The following APBB1IP variants were observed in gnomAD, a reference collection of about 807,000 sequenced individuals.
The protein encoded by APBB1IP is amyloid beta precursor protein binding family B member 1 interacting protein, also known as amyloid beta A4 precursor protein-binding family B member 1-interacting protein.
In APBB1IP, 27 loss-of-function variants were observed where a neutral mutation model predicts 64.9. The ratio of observed to expected loss-of-function variants is 0.42; its 90% CI spans 0.31 to 0.57. The LOEUF (loss-of-function observed/expected upper bound fraction) is 0.57, where lower values mean the gene tolerates loss of function less well. Among genes scored for constraint, APBB1IP ranks in the 20% least tolerant of loss-of-function variants. The probability of loss-of-function intolerance (pLI) is 0.20; values close to 1 mark genes in which losing one functional copy is unlikely to be tolerated. For missense variants in APBB1IP, 812 were observed against 845.5 expected, an observed-to-expected ratio of 0.96 and a Z score of 0.49; for synonymous variants, 392 against 331.0, an observed-to-expected ratio of 1.18 and a Z score of -2.00.
At position 26,542,419 on chromosome 10, in the gene APBB1IP, G is replaced by A. The variant is rs1588612644; in HGVS notation, c.1155+727G>A. ...AATCCACCTACCTTGGCATCCCAAAGTGCTGGGGTTGCAGGCATCAGCCAC... is the reference window on the plus strand; with the variant it reads ...AATCCACCTACCTTGGCATCCCAAAATGCTGGGGTTGCAGGCATCAGCCAC... On this transcript the variant is annotated intron_variant, in intron 11 of 14. Transcript: ENST00000376236. 3.3e-5 allele frequency among the ~76,000 whole-genome samples: 5 copies of A among 152,320 alleles called. No individual in the cohort carries two copies. The Middle Eastern group carries it at 0.017, about 518-fold the overall frequency.
chr10:26,456,628 AC>A (rs1835528171), intron 2 of APBB1IP, among the ~76,000 whole-genome samples: 1 of 151,046 alleles, frequency 6.6e-6, no homozygotes, highest in South Asian at 2.1e-4. Flanking sequence ...ATTCCCAGCT[AC>A]TCAGGAGGCT....
chr10:26,522,099 T>G (rs978858408), intron 8 of APBB1IP, among the ~76,000 whole-genome samples: 2 of 152,240 alleles, frequency 1.3e-5, no homozygotes, highest in Non-Finnish European at 1.5e-5. Flanking sequence ...ATATTTTGAA[T>G]GTTGACAGTT....
At chr10:26,482,184 C>T (rs991202992) in intron 2 of APBB1IP, among the ~76,000 whole-genome samples, 8 of 152,258 alleles carry the variant, frequency 5.3e-5, no homozygotes, top group East Asian at 1.9e-4. Flanking sequence ...AGATTTTCAC[C>T]GATCTCAGGG....
At chr10:26,517,028 C>G (rs1182611423) in intron 8 of APBB1IP, among the ~76,000 whole-genome samples, 1 of 152,182 alleles carries the variant, frequency 6.6e-6, no homozygotes, top group African/African-American at 2.4e-5. Flanking sequence ...CTGAGGGTTC[C>G]CCTCCCAGAG....
intron 2 of APBB1IP, among the ~76,000 whole-genome samples, chr10:26,482,650 A>G (rs1219120877): frequency 1.3e-5 from 2 of 152,160 alleles, no homozygotes; most frequent in Non-Finnish European, 2.9e-5. Context: ...TTTATTTCCT[A>G]GAAAAAAATG....
In APBB1IP at chr10:26,474,644, T is replaced by A. The variant is rs533368335; in HGVS notation, c.1-17683T>A. 1.9e-3 allele frequency among the ~76,000 whole-genome samples: 283 copies of A among 152,340 alleles called. 2 individuals carry two copies. Among genetic ancestry groups the A allele is most frequent in the African/African-American group, 6.5e-3 (270 of 41,582 alleles). ...CTGTTGGTTTAAAAAATAAGTTTTT[T>A]AAAAAGTAAAAAATAAATTGTCTTC... On this transcript the variant is annotated intron_variant, in intron 2 of 14. Coordinates refer to ENST00000376236, the MANE Select transcript of APBB1IP (RefSeq NM_019043.4).
At chr10:26,546,907 A>G (rs984789849) in intron 11 of APBB1IP, among the ~76,000 whole-genome samples, 1 of 152,218 alleles carries the variant, frequency 6.6e-6, no homozygotes. Flanking sequence ...CTTTGTATAT[A>G]TACCCAACAG....
intron 8 of APBB1IP, among the ~76,000 whole-genome samples, chr10:26,529,784 G>A (rs1464905580): frequency 6.6e-6 from 1 of 152,120 alleles, no homozygotes; most frequent in African/African-American, 2.4e-5. Context: ...GGGATTACAG[G>A]CGCCCACCAC....
chr10:26,481,435 T>C (rs1835833168), intron 2 of APBB1IP, among the ~76,000 whole-genome samples: 1 of 152,158 alleles, frequency 6.6e-6, no homozygotes. Context: ...AATTTGGAAA[T>C]AAGCACATTT....
intron 2 of APBB1IP, among the ~76,000 whole-genome samples, chr10:26,490,449 AC>A (rs1564359181): frequency 6.6e-6 from 1 of 152,020 alleles, no homozygotes; most frequent in African/African-American, 2.4e-5. Context: ...ACATGGCGAA[AC>A]CCCGTCTCTA....
At chr10:26,461,739 C>T (rs926887434) in intron 2 of APBB1IP, among the ~76,000 whole-genome samples, 4 of 151,868 alleles carry the variant, frequency 2.6e-5, no homozygotes, top group African/African-American at 7.2e-5. Flanking sequence ...TTCATTTTTT[C>T]GTCTTCTTTT....
intron 3 of APBB1IP, 103 bp downstream of exon 3, chr10:26,492,501 G>C: frequency 1.0e-6 from 1 of 1,004,596 alleles, no homozygotes; most frequent in Non-Finnish European, 1.5e-6. Flanking sequence ...CCCTGATATC[G>C]GGGGAACCAG....
At chr10:26,448,284 C>T (rs1460237634) in intron 2 of APBB1IP, among the ~76,000 whole-genome samples, 1 of 152,162 alleles carries the variant, frequency 6.6e-6, no homozygotes, top group African/African-American at 2.4e-5. Context: ...CTCAAGTGAT[C>T]TTCCCACTTC....
At chr10:26,556,584 T>G (rs1046985718) in intron 11 of APBB1IP, among the ~76,000 whole-genome samples, 9 of 152,230 alleles carry the variant, frequency 5.9e-5, no homozygotes, top group African/African-American at 2.2e-4. Context: ...TGACTACATT[T>G]TGCTCTATTT....
intron 2 of APBB1IP, among the ~76,000 whole-genome samples, chr10:26,456,607 C>T (rs570055849): frequency 2.6e-5 from 4 of 151,838 alleles, no homozygotes; most frequent in South Asian, 2.1e-4. Context: ...GAGACTGTGG[C>T]GAGCATCTGT....
intron 2 of APBB1IP, among the ~76,000 whole-genome samples, chr10:26,471,146 A>G (rs1490916883): frequency 1.3e-5 from 2 of 152,238 alleles, no homozygotes; most frequent in Admixed American, 1.3e-4. Flanking sequence ...TACACAGCCA[A>G]TAAGTGTCAG....
chr10:26,454,996 G>A (rs937128456), intron 2 of APBB1IP, among the ~76,000 whole-genome samples: 1 of 152,198 alleles, frequency 6.6e-6, no homozygotes. Context: ...ATGAAGCAAT[G>A]AGGGAACAAT....
intron 2 of APBB1IP, among the ~76,000 whole-genome samples, chr10:26,489,880 C>A (rs1473942076): frequency 6.6e-6 from 1 of 152,096 alleles, no homozygotes; most frequent in Admixed American, 6.6e-5. Flanking sequence ...CGAAAATTAG[C>A]CAGGCATAGT....
chr10:26,521,163 G>A (rs1425903570), intron 8 of APBB1IP, among the ~76,000 whole-genome samples: 2 of 152,126 alleles, frequency 1.3e-5, no homozygotes, highest in African/African-American at 4.8e-5. Flanking sequence ...CTGTGTTTTA[G>A]CTTCACTCCC....
Sources: allele counts gnomAD v4.1 joint callset (sites outside exome capture counted in the v4.1 genomes callset), GRCh38; gene constraint gnomAD v4.1.1; transcripts MANE v1.5; gene names NCBI Gene and HGNC (gene_info 2026-07-23, HGNC 2026-07-21).